Variants in LAMA3 observed in about 807,000 individuals in gnomAD.
The protein encoded by LAMA3 is laminin subunit alpha-3.
LAMA3 carries 281 observed loss-of-function variants against 402.0 expected under a neutral mutation model. The ratio of observed to expected loss-of-function variants is 0.70; its 90% confidence interval spans 0.63 to 0.77. The LOEUF is 0.77. LAMA3 is among the 30% of genes least tolerant of loss of function. The pLI is 0.00. For missense variants in LAMA3, 3,840 were observed against 4,215.5 expected, an observed-to-expected ratio of 0.91 and a Z score of 2.47; for synonymous variants, 1,431 against 1,558.4, an observed-to-expected ratio of 0.92 and a Z score of 1.93.
chr18:23,830,832 A>C (rs1193727480), intron 23 of LAMA3, among the ~76,000 whole-genome samples: 1 of 152,068 alleles, frequency 6.6e-6, no homozygotes, highest in Non-Finnish European at 1.5e-5. Flanking sequence ...GATACCTCCC[A>C]TATTGTTATG....
rs1354669484 is a variant in LAMA3, at chr18:23,892,047, TCTGAGACATAAGGGACAGAA to T, written c.5410+1933_5410+1952del. Among the ~76,000 whole-genome samples the T allele has an allele frequency of 3.9e-5, 6 of 152,310 alleles. No individual in the cohort carries two copies. The East Asian group carries it at 7.7e-4, about 20-fold the overall frequency. On this transcript the variant is annotated intron_variant, in intron 42 of 74. Transcript: ENST00000313654. Reference sequence around the variant, plus strand: ...GTGTGGGAAAGGGTTGGTATTGTTCTCTGAGACATAAGGGACAGAACTTAGAGCAAAGAGTAGAAGCAAGA... The same window carrying T: ...GTGTGGGAAAGGGTTGGTATTGTTCTCTTAGAGCAAAGAGTAGAAGCAAGA...
intron 32 of LAMA3, among the ~76,000 whole-genome samples, chr18:23,855,641 T>C (rs1052086437): frequency 4.6e-5 from 7 of 152,174 alleles, no homozygotes; most frequent in Non-Finnish European, 7.3e-5. Context: ...AGTCTTTCTG[T>C]GAGTTTAGTG....
At chr18:23,876,099 G>A (rs2064701525) in intron 38 of LAMA3, among the ~76,000 whole-genome samples, 195 bp from the exon 39 acceptor site, 1 of 152,146 alleles carries the variant, frequency 6.6e-6, no homozygotes, top group South Asian at 2.1e-4. Flanking sequence ...GATTGCTTGA[G>A]CCTAGGAGCC....
intron 62 of LAMA3, 135 bp from the exon 63 acceptor site, chr18:23,927,988 T>C: frequency 1.3e-6 from 1 of 750,826 alleles, no homozygotes; most frequent in Non-Finnish European, 2.5e-6. Context: ...ATTATGGGAA[T>C]CCCATGGGAA....
intron 57 of LAMA3, 64 bp downstream of exon 57, chr18:23,914,625 C>A: frequency 6.2e-7 from 1 of 1,604,984 alleles, no homozygotes; most frequent in Non-Finnish European, 8.5e-7. Context: ...TGCTGAACCC[C>A]ATTTTTAGTG....
chr18:23,722,044 C>A (rs1032429806), intron 2 of LAMA3, among the ~76,000 whole-genome samples: 1 of 152,202 alleles, frequency 6.6e-6, no homozygotes, highest in Non-Finnish European at 1.5e-5. Flanking sequence ...GTCACATACG[C>A]TCCTTCAGTC....
intron 12 of LAMA3, among the ~76,000 whole-genome samples, chr18:23,802,881 A>G (rs146288200): frequency 6.6e-6 from 1 of 152,318 alleles, no homozygotes; most frequent in Non-Finnish European, 1.5e-5. Context: ...CCCGCAAGGT[A>G]CTGCCACCTA....
intron 8 of LAMA3, among the ~76,000 whole-genome samples, chr18:23,769,372 T>C (rs1299248575): frequency 6.6e-6 from 1 of 152,186 alleles, no homozygotes; most frequent in Non-Finnish European, 1.5e-5. Flanking sequence ...AATTAGAGTA[T>C]GTAGGGCCGC....
rs919273081 is a variant in LAMA3 at position 23,846,507 on chromosome 18, G to A, written c.3930G>A (p.Lys1310=). Residue 1310 remains lysine (K), a splice_region_variant and synonymous_variant, in exon 31 of 75, where the codon AAG becomes AAA. Coordinates refer to ENST00000313654, the MANE Select transcript of LAMA3 (RefSeq NM_198129.4). ...GCCACTACGGATTCCCACGCTGCAAGCGTAAGTGCACGTTTCCCATCACCC... is the reference window on the plus strand; with the variant it reads ...GCCACTACGGATTCCCACGCTGCAAACGTAAGTGCACGTTTCCCATCACCC... The part of the protein sequence containing the change: ...ATGHYGFPRC[K]PCSCGRRLCE... 5.0e-6 allele frequency: 8 copies of A among 1,605,872 alleles called. No homozygotes were observed. The highest frequency in any genetic ancestry group is 2.7e-5 in the African/African-American group (2 of 74,924).
chr18:23,921,213 A>C (rs566198854), intron 61 of LAMA3, among the ~76,000 whole-genome samples, 159 bp downstream of exon 61: 23 of 152,354 alleles, frequency 1.5e-4, no homozygotes, highest in South Asian at 8.3e-4. Context: ...ACATTTCGGC[A>C]TGAAATGTAT....
intron 42 of LAMA3, 127 bp downstream of exon 42, chr18:23,890,244 A>G (rs1016192114): frequency 1.4e-6 from 1 of 721,646 alleles, no homozygotes; most frequent in Non-Finnish European, 2.5e-6. Context: ...TGTCCCCAGG[A>G]TGCATAATAC....
chr18:23,800,566 G>T (rs2062848755), intron 12 of LAMA3, among the ~76,000 whole-genome samples: 1 of 151,944 alleles, frequency 6.6e-6, no homozygotes, highest in Non-Finnish European at 1.5e-5. Flanking sequence ...CTAGTTTTTT[G>T]AAAGTATACA....
chr18:23,854,199 T>C (rs1295928365), intron 32 of LAMA3, among the ~76,000 whole-genome samples: 1 of 152,238 alleles, frequency 6.6e-6, no homozygotes, highest in Non-Finnish European at 1.5e-5. Flanking sequence ...TCAGTCACTC[T>C]CTTTCCACTG....
chr18:23,690,869 G>A (rs1182094110), intron 1 of LAMA3, among the ~76,000 whole-genome samples: 1 of 125,306 alleles, frequency 8.0e-6, no homozygotes, highest in Non-Finnish European at 1.8e-5. Context: ...CTCAGGCCTG[G>A]CAATTATTTA....
chr18:23,790,868 T>C (rs1301310630), intron 12 of LAMA3, among the ~76,000 whole-genome samples: 1 of 151,746 alleles, frequency 6.6e-6, no homozygotes, highest in Admixed American at 6.6e-5. Context: ...AAGAACTAGT[T>C]TGAGATGCAT....
intron 1 of LAMA3, among the ~76,000 whole-genome samples, chr18:23,700,706 C>CT (rs59113459): frequency 0.061 from 9,298 of 151,456 alleles, 730 homozygotes; most frequent in African/African-American, 0.18. Flanking sequence ...CTTTTCTTTT[C>CT]TTTTTTTTTG....
At position 23,747,122 on chromosome 18, in the gene LAMA3, C is replaced by G. The variant is rs1338756103; in HGVS notation, c.448-821C>G. Among the ~76,000 whole-genome samples, 2 of 152,100 alleles carry G rather than the reference C, an allele frequency of 1.3e-5. 1 individual carries two copies. The highest frequency in any genetic ancestry group is 3.9e-4 in the East Asian group (2 of 5,194). ...TGGAAGGGGGTGGGGATAATCCTCA[C>G]TCATTAACACATTAACATAGATTTG... is the stretch of plus-strand genomic sequence containing the variant. On this transcript the variant is annotated intron_variant, in intron 2 of 74. Transcript: ENST00000313654.
chr18:23,846,561 T>C (rs1195908969), intron 31 of LAMA3, 53 bp downstream of exon 31: 2 of 1,509,076 alleles, frequency 1.3e-6, no homozygotes, highest in Non-Finnish European at 9.0e-7. Flanking sequence ...GTGTGGATGA[T>C]GCTTACCAGG....
intron 54 of LAMA3, 128 bp from the exon 55 acceptor site, chr18:23,909,025 T>C (rs1202984604): frequency 3.5e-6 from 3 of 853,600 alleles, no homozygotes; most frequent in Non-Finnish European, 5.8e-6. Context: ...CGTAACTAAT[T>C]ATGACCCATC....
Sources: gnomAD v4.1 joint callset for allele counts (sites outside exome capture counted in the v4.1 genomes callset) on GRCh38, gnomAD v4.1.1 for gene constraint, MANE v1.5 for transcripts, NCBI Gene and HGNC (gene_info 2026-07-23, HGNC 2026-07-21) for gene names.